The following PEPD variants were observed in gnomAD, a reference collection of about 807,000 sequenced individuals.
PEPD encodes the protein peptidase D.
Under a neutral mutation model 60.7 loss-of-function variants are expected in PEPD, and 53 were observed. The ratio of observed to expected loss-of-function variants is 0.87; its 90% CI spans 0.70 to 1.10. The LOEUF (loss-of-function observed/expected upper bound fraction) is 1.10, where lower values mean the gene tolerates loss of function less well. Ranked by LOEUF, PEPD falls within the 50% of genes least tolerant of loss-of-function variation. PEPD has a pLI of 0.00. For synonymous variants in PEPD, 267 were observed against 284.1 expected (o/e 0.94, Z 0.60); for missense variants, 711 against 711.9 (o/e 1.00, Z 0.01).
intron 9 of PEPD, among the ~76,000 whole-genome samples, chr19:33,434,852 C>T (rs1969344161): frequency 6.6e-6 from 1 of 151,778 alleles, no homozygotes; most frequent in South Asian, 2.1e-4. Flanking sequence ...CTCCTCGGTC[C>T]CTGACCCTCC....
At chr19:33,514,867 C>T (rs1030371469) in intron 1 of PEPD, among the ~76,000 whole-genome samples, 1 of 152,092 alleles carries the variant, frequency 6.6e-6, no homozygotes, top group Non-Finnish European at 1.5e-5. Context: ...CTGCCCCTAG[C>T]CTCATGTGCC....
At chr19:33,452,872 GC>G (rs1969722465) in intron 9 of PEPD, among the ~76,000 whole-genome samples, 1 of 152,212 alleles carries the variant, frequency 6.6e-6, no homozygotes, top group Non-Finnish European at 1.5e-5. Context: ...CAAGCCCTAT[GC>G]TTTCCAAGTT....
At chr19:33,500,688 A>G (rs1163284143) in intron 4 of PEPD, among the ~76,000 whole-genome samples, 1 of 152,144 alleles carries the variant, frequency 6.6e-6, no homozygotes, top group Non-Finnish European at 1.5e-5. Flanking sequence ...GCCACAACCC[A>G]GGTCACCAGA....
At chr19:33,517,706 C>T (rs1003091532) in intron 1 of PEPD, among the ~76,000 whole-genome samples, 13 of 151,958 alleles carry the variant, frequency 8.6e-5, no homozygotes, top group Non-Finnish European at 1.2e-4. Flanking sequence ...GTGGCTCACG[C>T]CTGTAATACC....
At chr19:33,503,557 A>C (rs1970749385) in intron 3 of PEPD, among the ~76,000 whole-genome samples, 1 of 152,192 alleles carries the variant, frequency 6.6e-6, no homozygotes, top group Admixed American at 6.5e-5. Flanking sequence ...GCTCAAGGGA[A>C]GCCTACAGAC....
intron 4 of PEPD, among the ~76,000 whole-genome samples, chr19:33,495,194 C>T (rs767014462): frequency 1.3e-5 from 2 of 151,994 alleles, no homozygotes; most frequent in Non-Finnish European, 2.9e-5. Flanking sequence ...TGAACATCCT[C>T]GCATACAAGT....
intron 5 of PEPD, 100 bp from the exon 6 acceptor site, chr19:33,490,157 G>A: frequency 7.5e-6 from 6 of 805,288 alleles, no homozygotes; most frequent in East Asian, 2.6e-5. Context: ...GGTAAGAACA[G>A]GATCCCCTCC....
At chr19:33,465,425 T>G (rs1035642960) in intron 7 of PEPD, among the ~76,000 whole-genome samples, 54 of 152,274 alleles carry the variant, frequency 3.5e-4, no homozygotes, top group African/African-American at 1.3e-3. Flanking sequence ...CTGGGTGCAC[T>G]GCCCAACTCA....
chr19:33,483,208 T>C (rs527383267), intron 6 of PEPD, among the ~76,000 whole-genome samples: 2 of 152,258 alleles, frequency 1.3e-5, no homozygotes, highest in African/African-American at 4.8e-5. Context: ...GCTCTAAACA[T>C]ACACAGCAGA....
At chr19:33,510,939 G>C in intron 3 of PEPD, 89 bp downstream of exon 3, 1 of 1,398,906 alleles carries the variant, frequency 7.1e-7, no homozygotes, top group Non-Finnish European at 9.9e-7. Context: ...CCCGTCCCCA[G>C]GCCCAACCCA....
chr19:33,387,153 G>A lies in PEPD; in HGVS notation c.*191C>T, dbSNP rs1194813413. On this transcript the variant is annotated 3_prime_UTR_variant, in exon 15 of 15. Coordinates refer to ENST00000244137, the MANE Select transcript of PEPD (RefSeq NM_000285.4). ...GGTATAAAACAGATTAAAGGTGGGA[G>A]CCTGCAAAAGGGTAATTAAAAAAGT... is the stretch of plus-strand genomic sequence containing the variant. The A allele has an allele frequency of 9.7e-6, 6 of 618,912 alleles. No homozygotes were observed. The highest frequency in any genetic ancestry group is 2.9e-5 in the Admixed American group (1 of 34,056). 38.3% of individuals were successfully genotyped at this position (618,912 alleles called of 1,614,324 possible).
chr19:33,472,904 G>A (rs1229208084), intron 7 of PEPD, among the ~76,000 whole-genome samples: 1 of 152,190 alleles, frequency 6.6e-6, no homozygotes, highest in African/African-American at 2.4e-5. Context: ...GTGATGCAAA[G>A]GATAAAATCC....
chr19:33,463,770 G>C (rs910034335), intron 8 of PEPD, among the ~76,000 whole-genome samples: 2 of 152,246 alleles, frequency 1.3e-5, no homozygotes, highest in African/African-American at 4.8e-5. Flanking sequence ...ATGATGGGCA[G>C]GTGCCCTAAG....
At chr19:33,394,245 C>G (rs1185089360) in intron 12 of PEPD, among the ~76,000 whole-genome samples, 1 of 152,236 alleles carries the variant, frequency 6.6e-6, no homozygotes, top group Non-Finnish European at 1.5e-5. Context: ...CAAAGGGGAG[C>G]CCCGGGAAGT....
At chr19:33,444,922 T>G (rs867903011) in intron 9 of PEPD, among the ~76,000 whole-genome samples, 2 of 152,172 alleles carry the variant, frequency 1.3e-5, no homozygotes, top group Middle Eastern at 3.2e-3. Flanking sequence ...ATCCTCCCAC[T>G]TGTCTGTCTC....
chr19:33,436,252 G>T (rs895017985), intron 9 of PEPD, among the ~76,000 whole-genome samples: 1 of 151,850 alleles, frequency 6.6e-6, no homozygotes. Context: ...AAGGAGAGGC[G>T]AGCAGGAAGA....
chr19:33,435,243 C>T (rs1233241313), intron 9 of PEPD, among the ~76,000 whole-genome samples: 5 of 152,230 alleles, frequency 3.3e-5, no homozygotes, highest in African/African-American at 7.2e-5. Context: ...TCGGCTGGGC[C>T]GGCGTCTGAT....
At chr19:33,409,270 C>T (rs542707505) in intron 11 of PEPD, among the ~76,000 whole-genome samples, 1 of 152,374 alleles carries the variant, frequency 6.6e-6, no homozygotes, top group East Asian at 1.9e-4. Flanking sequence ...GAAGTGCCCC[C>T]TGGACTGTGG....
At chr19:33,491,427 C>A (rs944844822) in intron 5 of PEPD, among the ~76,000 whole-genome samples, 1 of 152,148 alleles carries the variant, frequency 6.6e-6, no homozygotes, top group African/African-American at 2.4e-5. Context: ...TCTAGCCGGG[C>A]AACAAGAGCA....
Sources: gnomAD v4.1 joint callset for allele counts (sites outside exome capture counted in the v4.1 genomes callset) on GRCh38, gnomAD v4.1.1 for gene constraint, MANE v1.5 for transcripts, NCBI Gene and HGNC (gene_info 2026-07-23, HGNC 2026-07-21) for gene names.